The following CEP112 variants were observed in gnomAD, a reference collection of about 807,000 sequenced individuals.
The protein encoded by CEP112 is centrosomal protein of 112 kDa.
Under a neutral mutation model 153.0 loss-of-function variants are expected in CEP112, and 127 were observed. The observed-to-expected ratio is 0.83, with a 90% CI of 0.72 to 0.96. The LOEUF is 0.96. Among genes scored for constraint, CEP112 ranks in the 40% least tolerant of loss-of-function variants. The pLI is 0.00. For synonymous variants in CEP112, 358 were observed against 374.4 expected (o/e 0.96, Z 0.51); for missense variants, 1,089 against 1,101.2 (o/e 0.99, Z 0.16).
At chr17:66,133,067 C>A (rs1271333107) in intron 4 of CEP112, among the ~76,000 whole-genome samples, 2 of 146,078 alleles carry the variant, frequency 1.4e-5, no homozygotes, top group African/African-American at 5.1e-5. Context: ...AAAAAACACA[C>A]AAAAAATGAT....
intron 23 of CEP112, among the ~76,000 whole-genome samples, chr17:65,693,122 A>G (rs1805231253): frequency 6.6e-6 from 1 of 152,132 alleles, no homozygotes; most frequent in Non-Finnish European, 1.5e-5. Context: ...CACAGAAGAG[A>G]AAGATGGCAT....
intron 23 of CEP112, among the ~76,000 whole-genome samples, chr17:65,731,499 C>CA (rs2050505789): frequency 6.6e-6 from 1 of 152,080 alleles, no homozygotes; most frequent in Non-Finnish European, 1.5e-5. Flanking sequence ...TGGCTGCTGA[C>CA]TAATAAGGGT....
intron 16 of CEP112, among the ~76,000 whole-genome samples, chr17:66,020,426 G>A (rs551125217): frequency 2.0e-5 from 3 of 152,256 alleles, no homozygotes; most frequent in African/African-American, 7.2e-5. Context: ...TATACACTAA[G>A]CTCATGAAGG....
chr17:66,138,984 T>C lies in CEP112; in HGVS notation c.471-6221A>G, dbSNP rs373674081. On this transcript the variant is annotated intron_variant, in intron 4 of 26. Transcript: ENST00000535342. ...AATGTGTAGGATTCAGTGAAAGCAG[T>C]GCTAAGAGGAAAATTTACAACTGTA... Among the ~76,000 whole-genome samples, 40 of 151,578 alleles carry C rather than the reference T, an allele frequency of 2.6e-4. 1 individual carries two copies. The highest frequency in any genetic ancestry group is 8.2e-4 in the African/African-American group (34 of 41,292).
chr17:65,941,332 C>T (rs1347195401), intron 18 of CEP112: 1 of 151,956 alleles, frequency 6.6e-6, no homozygotes. Context: ...AGATTATCTT[C>T]TATCTAAATA....
chr17:66,023,341 G>A (rs2065076321), intron 16 of CEP112, among the ~76,000 whole-genome samples: 1 of 151,758 alleles, frequency 6.6e-6, no homozygotes, highest in Non-Finnish European at 1.5e-5. Context: ...CACCTATTAA[G>A]AAAAAAAACA....
intron 24 of CEP112, among the ~76,000 whole-genome samples, chr17:65,680,351 T>C (rs893260342): frequency 1.3e-5 from 2 of 152,156 alleles, no homozygotes; most frequent in Non-Finnish European, 2.9e-5. Flanking sequence ...TAGAATATGT[T>C]TAGGAGGCCC....
intron 21 of CEP112, chr17:65,797,422 A>G (rs1163247980): frequency 6.6e-6 from 1 of 152,224 alleles, no homozygotes; most frequent in Non-Finnish European, 1.5e-5. Context: ...ATTCTTGAGT[A>G]CTTAAACAGT....
intron 12 of CEP112, among the ~76,000 whole-genome samples, chr17:66,051,034 C>T (rs946272437): frequency 2.0e-5 from 3 of 152,104 alleles, no homozygotes; most frequent in Non-Finnish European, 4.4e-5. Flanking sequence ...AGCTGGCATC[C>T]AGTAGCACAA....
intron 5 of CEP112, among the ~76,000 whole-genome samples, chr17:66,130,584 G>A (rs2070097306): frequency 6.6e-6 from 1 of 151,870 alleles, no homozygotes; most frequent in Admixed American, 6.6e-5. Context: ...GACCATCCTG[G>A]CTAACAGGCT....
In CEP112 at chr17:65,851,895, A is replaced by G. The variant is rs369383445; in HGVS notation, c.2303T>C (p.Ile768Thr). ...EKQRATREHE[I>T]VVNKLKAESE... Reference sequence around the variant, plus strand: ...TTCAGCCTTCAGTTTATTGACGACAATCTCATGTTCCCTTGTAGCCCTTTG... The same window carrying G: ...TTCAGCCTTCAGTTTATTGACGACAGTCTCATGTTCCCTTGTAGCCCTTTG... Residue 768 changes from isoleucine to threonine, a missense_variant, in exon 21 of 27, where the codon ATT becomes ACT. Coordinates refer to ENST00000535342, the MANE Select transcript of CEP112 (RefSeq NM_001199165.4). 18 of 1,614,112 alleles carry G rather than the reference A, an allele frequency of 1.1e-5. No individual in the cohort carries two copies. Among genetic ancestry groups the G allele is most frequent in the Non-Finnish European group, 1.5e-5 (18 of 1,180,018 alleles).
chr17:65,934,086 G>A (rs1461804860), intron 18 of CEP112, among the ~76,000 whole-genome samples: 2 of 152,198 alleles, frequency 1.3e-5, no homozygotes, highest in African/African-American at 4.8e-5. Flanking sequence ...CTACTCGGGA[G>A]GCTGAGGCAC....
intron 22 of CEP112, among the ~76,000 whole-genome samples, chr17:65,744,076 T>C (rs546241059): frequency 9.2e-5 from 14 of 152,082 alleles, no homozygotes; most frequent in Non-Finnish European, 2.1e-4. Context: ...CTATCTTTTA[T>C]AAATGAGGAA....
chr17:65,728,184 G>A (rs1049091371), intron 23 of CEP112, among the ~76,000 whole-genome samples: 1 of 152,186 alleles, frequency 6.6e-6, no homozygotes, highest in Admixed American at 6.5e-5. Context: ...GAACAAGCTT[G>A]ACAATGCCTG....
intron 8 of CEP112, among the ~76,000 whole-genome samples, chr17:66,077,884 T>C (rs1204612760): frequency 6.6e-6 from 1 of 152,238 alleles, no homozygotes; most frequent in African/African-American, 2.4e-5. Context: ...AGCTCTTTAG[T>C]TTAATTAAGT....
intron 5 of CEP112, among the ~76,000 whole-genome samples, chr17:66,130,412 T>TA (rs2070084168): frequency 6.6e-6 from 1 of 152,138 alleles, no homozygotes. Context: ...CAAGAAGCTC[T>TA]TTGTTCTTAA....
chr17:65,848,284 C>G (rs1236749150), intron 21 of CEP112, among the ~76,000 whole-genome samples: 1 of 152,202 alleles, frequency 6.6e-6, no homozygotes, highest in Non-Finnish European at 1.5e-5. Context: ...TCTGGGCACA[C>G]AATCATTTTC....
At chr17:66,179,050 T>A (rs1305801026) in intron 2 of CEP112, among the ~76,000 whole-genome samples, 1 of 152,178 alleles carries the variant, frequency 6.6e-6, no homozygotes, top group East Asian at 1.9e-4. Context: ...CATAGGTCCA[T>A]GTGATTGTTT....
chr17:66,186,259 G>C (rs1031345870), intron 1 of CEP112, among the ~76,000 whole-genome samples: 1 of 151,974 alleles, frequency 6.6e-6, no homozygotes, highest in African/African-American at 2.4e-5. Flanking sequence ...AAAGAAACCC[G>C]TCTGAAACTA....
Sources: allele counts gnomAD v4.1 joint callset (sites outside exome capture counted in the v4.1 genomes callset), GRCh38; gene constraint gnomAD v4.1.1; transcripts MANE v1.5; gene names NCBI Gene and HGNC (gene_info 2026-07-23, HGNC 2026-07-21).